The following NR2F1-AS1 variants were observed in gnomAD, a reference collection of about 807,000 sequenced individuals.
NR2F1-AS1 encodes NR2F1 antisense RNA 1.
chr5:93,585,119 C>T (rs1753206128), upstream of NR2F1-AS1: 1 of 999,842 alleles, frequency 1.0e-6, no homozygotes, highest in Non-Finnish European at 1.2e-6. Context: ...CGGCCCGCGG[C>T]GGCGGCGGCG....
intron 4 of NR2F1-AS1, among the ~76,000 whole-genome samples, chr5:93,447,353 A>G (rs1031341050): frequency 6.6e-6 from 1 of 152,216 alleles, no homozygotes. Flanking sequence ...AAACAAATTT[A>G]CAAGAAAAAA....
At chr5:93,563,975 G>A (rs1204784927) in intron 1 of NR2F1-AS1, among the ~76,000 whole-genome samples, 12 of 151,198 alleles carry the variant, frequency 7.9e-5, no homozygotes, top group African/African-American at 2.9e-4. Context: ...AGTGGCTGGC[G>A]CCTGTAGTTC....
intron 4 of NR2F1-AS1, among the ~76,000 whole-genome samples, chr5:93,523,069 T>C (rs1340673422): frequency 6.6e-6 from 1 of 151,984 alleles, no homozygotes; most frequent in Non-Finnish European, 1.5e-5. Flanking sequence ...CCCACTCCCA[T>C]GGAGCCCAGC....
chr5:93,428,033 T>A lies in NR2F1-AS1; in HGVS notation n.639-32491A>T, dbSNP rs148425307. ...TTCTGGGTCCACTTCATAAACTATA[T>A]CAAAATGCTAAATATAGTTATGGAT... On this transcript the variant is annotated intron_variant and non_coding_transcript_variant, in intron 4 of 5. Coordinates refer to ENST00000660523, the Ensembl canonical transcript of NR2F1-AS1. Among the ~76,000 whole-genome samples the A allele has an allele frequency of 4.3e-4, 65 of 152,266 alleles. 2 individuals carry two copies. The East Asian group carries it at 9.7e-3, about 23-fold the overall frequency.
rs1751297923 is a variant in NR2F1-AS1 at position 93,511,659 on chromosome 5, A to T, written n.638+42102T>A. Among the ~76,000 whole-genome samples the T allele has an allele frequency of 2.0e-5, 3 of 152,300 alleles. No individual in the cohort carries two copies. In the South Asian group the frequency reaches 6.2e-4, roughly 32 times the overall value. On this transcript the variant is annotated intron_variant and non_coding_transcript_variant, in intron 4 of 5. Coordinates refer to ENST00000660523, the Ensembl canonical transcript of NR2F1-AS1. Reference sequence around the variant, plus strand: ...AAATCCCAAGCCATGGACCAGTACCAGTCTGTCACCTGTTAGGAACTGGGC... The same window carrying T: ...AAATCCCAAGCCATGGACCAGTACCTGTCTGTCACCTGTTAGGAACTGGGC...
chr5:93,581,724 CTCT>C (rs1561519197), upstream of NR2F1-AS1, among the ~76,000 whole-genome samples: 9 of 69,022 alleles, frequency 1.3e-4, no homozygotes, highest in African/African-American at 4.0e-4. Context: ...CTCTCTCTCT[CTCT>C]CTCTCTCCCC....
chr5:93,529,428 T>C (rs1019340794), intron 4 of NR2F1-AS1, among the ~76,000 whole-genome samples: 1 of 152,162 alleles, frequency 6.6e-6, no homozygotes, highest in Admixed American at 6.5e-5. Flanking sequence ...AATTTGGTAA[T>C]CATCTTAATT....
At chr5:93,490,601 G>GC in intron 4 of NR2F1-AS1, among the ~76,000 whole-genome samples, 1 of 148,214 alleles carries the variant, frequency 6.7e-6, no homozygotes, top group South Asian at 2.1e-4. Flanking sequence ...GGTGGTGGTG[G>GC]CGGTGGCAGT....
intron 4 of NR2F1-AS1, among the ~76,000 whole-genome samples, chr5:93,498,966 T>C (rs1484942937): frequency 2.0e-5 from 3 of 152,118 alleles, no homozygotes; most frequent in African/African-American, 7.2e-5. Context: ...TAGGTTCCTC[T>C]ACATAAATTT....
At chr5:93,585,281 C>T (rs763957737), upstream of NR2F1-AS1, 13 of 1,601,872 alleles carry the variant, frequency 8.1e-6, no homozygotes, top group South Asian at 7.8e-5. Flanking sequence ...ACATCGAGTG[C>T]GTGGTGTGCG....
intron 4 of NR2F1-AS1, among the ~76,000 whole-genome samples, chr5:93,446,380 A>T (rs1749707150): frequency 6.6e-6 from 1 of 152,216 alleles, no homozygotes; most frequent in South Asian, 2.1e-4. Context: ...AATGTGCAAA[A>T]ATCACAAGCA....
chr5:93,441,568 T>A (rs1157435547), intron 4 of NR2F1-AS1, among the ~76,000 whole-genome samples: 3 of 152,208 alleles, frequency 2.0e-5, no homozygotes, highest in Non-Finnish European at 4.4e-5. Flanking sequence ...AATGAAATGA[T>A]TTCAGAAAGA....
At chr5:93,511,449 TCTG>T (rs1751293622) in intron 4 of NR2F1-AS1, among the ~76,000 whole-genome samples, 1 of 152,218 alleles carries the variant, frequency 6.6e-6, no homozygotes, top group African/African-American at 2.4e-5. Flanking sequence ...ACAGGACTTC[TCTG>T]CTAATTCCTC....
At chr5:93,429,759 C>CT (rs1749271375) in intron 4 of NR2F1-AS1, among the ~76,000 whole-genome samples, 1 of 152,104 alleles carries the variant, frequency 6.6e-6, no homozygotes, top group Non-Finnish European at 1.5e-5. Context: ...GATGGAATAT[C>CT]TTTGTGTTTC....
chr5:93,485,606 G>T (rs1232887062), intron 4 of NR2F1-AS1, among the ~76,000 whole-genome samples: 1 of 152,086 alleles, frequency 6.6e-6, no homozygotes, highest in African/African-American at 2.4e-5. Flanking sequence ...AAATAACTAA[G>T]ATCAGAGCAG....
chr5:93,437,444 A>G (rs1580222268), intron 4 of NR2F1-AS1, among the ~76,000 whole-genome samples: 1 of 152,174 alleles, frequency 6.6e-6, no homozygotes, highest in Admixed American at 6.5e-5. Context: ...AGAAATTTTT[A>G]AATTATGTAT....
intron 4 of NR2F1-AS1, among the ~76,000 whole-genome samples, chr5:93,473,200 A>T (rs1207542270): frequency 6.6e-6 from 1 of 151,984 alleles, no homozygotes; most frequent in Non-Finnish European, 1.5e-5. Flanking sequence ...CTGATGCACC[A>T]AGAAAAATGA....
At chr5:93,538,886 C>T (rs547179286) in intron 4 of NR2F1-AS1, among the ~76,000 whole-genome samples, 3 of 152,166 alleles carry the variant, frequency 2.0e-5, no homozygotes, top group South Asian at 2.1e-4. Context: ...AAATTGGTTT[C>T]GTTATACATC....
intron 1 of NR2F1-AS1, among the ~76,000 whole-genome samples, chr5:93,580,216 C>T (rs1234108386): frequency 6.6e-6 from 1 of 152,244 alleles, no homozygotes; most frequent in African/African-American, 2.4e-5. Context: ...ATGTGGATTG[C>T]TGCTCGCCTG....
Sources: allele counts gnomAD v4.1 joint callset (sites outside exome capture counted in the v4.1 genomes callset), GRCh38; gene constraint gnomAD v4.1.1; transcripts MANE v1.5; gene names NCBI Gene and HGNC (gene_info 2026-07-23, HGNC 2026-07-21).